Variants in FER1L6 observed in about 807,000 individuals in gnomAD.
FER1L6 encodes the protein fer-1 like family member 6.
FER1L6 carries 177 observed loss-of-function variants against 219.2 expected under a neutral mutation model. That is an observed-to-expected ratio of 0.81 (90% CI 0.71 to 0.91). The LOEUF is 0.91. Ranked by LOEUF, FER1L6 falls within the 40% of genes least tolerant of loss-of-function variation. The probability of loss-of-function intolerance (pLI) is 0.00; values close to 1 mark genes in which losing one functional copy is unlikely to be tolerated. For missense variants in FER1L6, 2,153 were observed against 2,259.9 expected (o/e 0.95, Z 0.96); for synonymous variants, 768 against 824.3 (o/e 0.93, Z 1.17).
chr8:124,110,617 A>C (rs1822982736), intron 39 of FER1L6, among the ~76,000 whole-genome samples: 1 of 152,238 alleles, frequency 6.6e-6, no homozygotes. Flanking sequence ...ACCCGTTAAG[A>C]GATTGCAAAG....
chr8:123,967,565 A>G (rs1815609194), intron 5 of FER1L6, among the ~76,000 whole-genome samples: 1 of 152,250 alleles, frequency 6.6e-6, no homozygotes, highest in African/African-American at 2.4e-5. Context: ...CCAAAGAGGT[A>G]ACAATTTATA....
chr8:123,991,878 T>C (rs1034654639), intron 12 of FER1L6, among the ~76,000 whole-genome samples: 5 of 152,168 alleles, frequency 3.3e-5, no homozygotes, highest in African/African-American at 1.2e-4. Flanking sequence ...GTCCCTTCCA[T>C]GCCTACTTTT....
chr8:123,974,023 A>G (rs1013184658), intron 7 of FER1L6, among the ~76,000 whole-genome samples: 1 of 152,250 alleles, frequency 6.6e-6, no homozygotes, highest in African/African-American at 2.4e-5. Context: ...GTATCCTTAT[A>G]CAAAGGATTT....
At chr8:124,021,485 C>A in intron 16 of FER1L6, 65 bp from the exon 17 acceptor site, 3 of 1,596,936 alleles carry the variant, frequency 1.9e-6, no homozygotes, top group Non-Finnish European at 1.7e-6. Flanking sequence ...GTCTCTTCAG[C>A]AACAGGACGC....
chr8:124,049,730 C>T lies in FER1L6; in HGVS notation c.2848C>T (p.Leu950Phe), dbSNP rs773568763. ...IFCGNLSGGD[L>F]LAVFELLQVP... ...TTGTGGGAATCTCTCTGGAGGGGAT[C>T]TCCTTGCTGTATTTGAACTGCTGCA... The change falls in exon 22 of 41, where the codon CTC (leucine) becomes TTC (phenylalanine). Residue 950 changes from leucine (L) to phenylalanine (F), a missense_variant. Coordinates refer to ENST00000522917, the MANE Select transcript of FER1L6 (RefSeq NM_001039112.2). 1 of 1,614,074 alleles carries T rather than the reference C, an allele frequency of 6.2e-7. No homozygotes were observed. The highest frequency in any genetic ancestry group is 8.5e-7 in the Non-Finnish European group (1 of 1,179,980).
At chr8:123,857,062 G>A (rs1276153191) in intron 1 of FER1L6, among the ~76,000 whole-genome samples, 2 of 152,160 alleles carry the variant, frequency 1.3e-5, no homozygotes, top group East Asian at 1.9e-4. Flanking sequence ...TACAAGTAGA[G>A]AATGTCTTTA....
intron 39 of FER1L6, among the ~76,000 whole-genome samples, chr8:124,107,627 A>T (rs910819751): frequency 2.0e-5 from 3 of 152,128 alleles, no homozygotes; most frequent in Non-Finnish European, 4.4e-5. Flanking sequence ...GCCAGAGCCT[A>T]GGTATGTCAG....
chr8:124,071,392 A>T, intron 30 of FER1L6, 114 bp from the exon 31 acceptor site: 2 of 1,408,366 alleles, frequency 1.4e-6, no homozygotes, highest in Non-Finnish European at 2.0e-6. Flanking sequence ...TTAGCACCAA[A>T]CCAGGTCCTG....
chr8:123,863,942 A>G (rs371518896), intron 1 of FER1L6, among the ~76,000 whole-genome samples: 13,052 of 150,646 alleles, frequency 0.087, 844 homozygotes, highest in Non-Finnish European at 0.13. Flanking sequence ...CCAACTTGCC[A>G]GTCTGTGTCT....
chr8:124,055,401 A>G (rs1820241875), intron 22 of FER1L6, among the ~76,000 whole-genome samples: 1 of 152,138 alleles, frequency 6.6e-6, no homozygotes, highest in African/African-American at 2.4e-5. Flanking sequence ...CTGTTTACTC[A>G]TTCAATGAAC....
intron 1 of FER1L6, among the ~76,000 whole-genome samples, chr8:123,927,484 A>G (rs537673188): frequency 4.6e-5 from 7 of 152,290 alleles, no homozygotes; most frequent in Admixed American, 3.9e-4. Context: ...AGAATTCACA[A>G]TTTTGTATTT....
At chr8:123,939,082 G>A in intron 1 of FER1L6, 3 of 705,728 alleles carry the variant, frequency 4.3e-6, no homozygotes, top group Non-Finnish European at 5.2e-6. Flanking sequence ...TAGTTTTGAG[G>A]CTGTGTAGTA....
intron 27 of FER1L6, 69 bp from the exon 28 acceptor site, chr8:124,067,698 G>A: frequency 7.5e-7 from 1 of 1,331,582 alleles, no homozygotes; most frequent in Non-Finnish European, 1.1e-6. Context: ...AGAGGGCTGA[G>A]ATAATTGTTA....
intron 1 of FER1L6, among the ~76,000 whole-genome samples, chr8:123,930,457 C>T (rs918666233): frequency 5.9e-5 from 9 of 151,976 alleles, no homozygotes; most frequent in African/African-American, 1.2e-4. Flanking sequence ...TAAACACATG[C>T]GTAGTGGATT....
At chr8:124,101,447 T>C in intron 38 of FER1L6, 109 bp downstream of exon 38, 1 of 1,027,954 alleles carries the variant, frequency 9.7e-7, no homozygotes, top group East Asian at 2.5e-5. Flanking sequence ...GCACTATCTA[T>C]GATAGCAAAA....
intron 15 of FER1L6, among the ~76,000 whole-genome samples, chr8:124,015,630 A>C (rs1818168895): frequency 1.0e-5 from 1 of 97,612 alleles, no homozygotes; most frequent in South Asian, 3.3e-4. Flanking sequence ...TCCTGCTGTG[A>C]GCTGTTTAGT....
At chr8:124,057,420 G>A (rs1189989871) in intron 22 of FER1L6, among the ~76,000 whole-genome samples, 3 of 152,004 alleles carry the variant, frequency 2.0e-5, no homozygotes, top group Admixed American at 2.0e-4. Flanking sequence ...GTTTTTAGCA[G>A]TTTTACTATG....
chr8:123,896,514 T>C (rs76685476), intron 1 of FER1L6, among the ~76,000 whole-genome samples: 5 of 152,202 alleles, frequency 3.3e-5, no homozygotes, highest in African/African-American at 1.2e-4. Context: ...CTGGAAAGAT[T>C]TTTGGAAGGA....
chr8:123,999,473 C>T (rs1817307104), intron 12 of FER1L6, among the ~76,000 whole-genome samples: 2 of 152,144 alleles, frequency 1.3e-5, no homozygotes, highest in Admixed American at 6.5e-5. Flanking sequence ...TGGTGAAACC[C>T]TGTCTCTGCT....
Sources: allele counts gnomAD v4.1 joint callset (sites outside exome capture counted in the v4.1 genomes callset), GRCh38; gene constraint gnomAD v4.1.1; transcripts MANE v1.5; gene names NCBI Gene and HGNC (gene_info 2026-07-23, HGNC 2026-07-21).